The following CD226 variants were observed in gnomAD, a reference collection of about 807,000 sequenced individuals.
CD226 encodes CD226 molecule, also known as CD226 antigen.
A neutral mutation model predicts 34.9 loss-of-function variants in CD226; 24 were observed. That is an observed-to-expected ratio of 0.69 (90% CI 0.50 to 0.97). The LOEUF (loss-of-function observed/expected upper bound fraction) is 0.97, where lower values mean the gene tolerates loss of function less well. Ranked by LOEUF, CD226 falls within the 50% of genes least tolerant of loss-of-function variation. The probability of loss-of-function intolerance (pLI) is 0.00; values close to 1 mark genes in which losing one functional copy is unlikely to be tolerated. For missense variants in CD226, 397 were observed against 412.7 expected (o/e 0.96, Z 0.33); for synonymous variants, 148 against 147.4 (o/e 1.00, Z -0.03).
At chr18:69,916,580 C>G (rs143628757) in intron 2 of CD226, among the ~76,000 whole-genome samples, 1 of 152,214 alleles carries the variant, frequency 6.6e-6, no homozygotes, top group Non-Finnish European at 1.5e-5. Flanking sequence ...ATTTGTTTTC[C>G]TGATGTTTAG....
chr18:69,896,258 T>C (rs1414130106), intron 2 of CD226: 9 of 573,354 alleles, frequency 1.6e-5, no homozygotes, highest in Non-Finnish European at 1.3e-5. Flanking sequence ...CTCGGCTCAA[T>C]GCAACCTCCA....
intron 4 of CD226, among the ~76,000 whole-genome samples, chr18:69,872,057 GGTGTGT>G (rs201644137): frequency 0.081 from 11,648 of 143,478 alleles, 457 homozygotes; most frequent in Middle Eastern, 0.096. Context: ...ATTAACAAGG[GGTGTGT>G]GTGTGTGTGT....
At chr18:69,867,156 A>G (rs746754686) in intron 5 of CD226, among the ~76,000 whole-genome samples, 4 of 152,208 alleles carry the variant, frequency 2.6e-5, no homozygotes, top group Non-Finnish European at 5.9e-5. Context: ...TATTCATATA[A>G]AAAACTTAGT....
chr18:69,931,536 A>G (rs2055589372), intron 2 of CD226, among the ~76,000 whole-genome samples: 2 of 152,214 alleles, frequency 1.3e-5, no homozygotes, highest in South Asian at 2.1e-4. Flanking sequence ...ATTCTGGGAA[A>G]GATGGAGGTG....
intron 4 of CD226, among the ~76,000 whole-genome samples, chr18:69,868,421 T>C (rs1186020097): frequency 6.6e-6 from 1 of 152,240 alleles, no homozygotes; most frequent in Non-Finnish European, 1.5e-5. Context: ...GAAATGGATA[T>C]TGACTCCAAT....
intron 2 of CD226, among the ~76,000 whole-genome samples, chr18:69,904,460 C>A (rs1026686252): frequency 6.6e-6 from 1 of 152,242 alleles, no homozygotes; most frequent in Non-Finnish European, 1.5e-5. Context: ...CCTCCAGGGG[C>A]AGCTCCGTGG....
At chr18:69,922,464 C>T (rs955563658) in intron 2 of CD226, among the ~76,000 whole-genome samples, 3 of 152,024 alleles carry the variant, frequency 2.0e-5, no homozygotes, top group Non-Finnish European at 4.4e-5. Context: ...TATTTTCAAT[C>T]GAGCCACAGT....
chr18:69,960,497 T>C (rs998914998), upstream of CD226, among the ~76,000 whole-genome samples: 1 of 152,188 alleles, frequency 6.6e-6, no homozygotes, highest in Non-Finnish European at 1.5e-5. Flanking sequence ...TTGCCCAGGC[T>C]GGAGCACAGT....
At chr18:69,933,075 G>A (rs10048270) in intron 2 of CD226, among the ~76,000 whole-genome samples, 4,506 of 152,254 alleles carry the variant, frequency 0.03, 219 homozygotes, top group African/African-American at 0.1. Flanking sequence ...TGGGGGCAGT[G>A]TCCTCCCTCA....
chr18:69,927,363 T>TAC (rs147765877), intron 2 of CD226, among the ~76,000 whole-genome samples: 106,898 of 147,540 alleles, frequency 0.72, 43,382 homozygotes, highest in East Asian at 0.91. Context: ...ACTAAGACAC[T>TAC]ACACACACAC....
chr18:69,873,084 G>A (rs966878020), intron 4 of CD226, 60 bp downstream of exon 4: 2 of 915,644 alleles, frequency 2.2e-6, no homozygotes, highest in African/African-American at 3.3e-5. Flanking sequence ...AAATTACTGG[G>A]TTATTAATAG....
intron 3 of CD226, among the ~76,000 whole-genome samples, chr18:69,885,250 T>G (rs1463732340): frequency 6.6e-6 from 1 of 152,214 alleles, no homozygotes; most frequent in Non-Finnish European, 1.5e-5. Context: ...CAATATAAAC[T>G]ACATAAACAT....
At chr18:69,904,958 T>G (rs1286424292) in intron 2 of CD226, among the ~76,000 whole-genome samples, 2 of 152,226 alleles carry the variant, frequency 1.3e-5, no homozygotes, top group Non-Finnish European at 2.9e-5. Context: ...ACATTAAGCA[T>G]TTTGTCCCAT....
At position 69,947,352 on chromosome 18, in the gene CD226, C is replaced by A. The variant is rs1038072418; in HGVS notation, c.46+9G>T. The A allele has an allele frequency of 2.0e-6, 3 of 1,521,974 alleles. No homozygotes were observed. The highest frequency in any genetic ancestry group is 2.7e-6 in the Non-Finnish European group (3 of 1,115,816). The allele number at this position is 1,521,974 out of a possible 1,614,324, so 94.3% of individuals were successfully genotyped here. A position where few individuals can be genotyped will look rare whatever the true frequency, so the allele number is the denominator to read the frequency against. On this transcript the variant is annotated intron_variant, in intron 1 of 5. Transcript: ENST00000582621. ...AACTTTTAAATGAAAATATAAAGATCATCTTTACCTCTGTATACATGAAGA... is the reference window on the plus strand; with the variant it reads ...AACTTTTAAATGAAAATATAAAGATAATCTTTACCTCTGTATACATGAAGA...
intron 2 of CD226, among the ~76,000 whole-genome samples, chr18:69,944,210 G>A (rs1424902281): frequency 2.0e-5 from 3 of 152,124 alleles, no homozygotes; most frequent in Non-Finnish European, 2.9e-5. Flanking sequence ...CTAGCCCATT[G>A]CATCAATCTG....
In CD226 at chr18:69,895,687, T is replaced by C; in HGVS notation, c.727+14A>G. On this transcript the variant is annotated intron_variant, in intron 3 of 5. Transcript: ENST00000582621. Reference sequence around the variant, plus strand: ...TCCATGTTTGATACCAGAAGATGTCTGGTGCTCACTCACCCTCGGCTACAG... The same window carrying C: ...TCCATGTTTGATACCAGAAGATGTCCGGTGCTCACTCACCCTCGGCTACAG... 6.3e-7 allele frequency: 1 copy of C among 1,592,916 alleles called. No individual in the cohort carries two copies. Among genetic ancestry groups the C allele is most frequent in the Non-Finnish European group, 8.6e-7 (1 of 1,161,760 alleles).
chr18:69,946,387 C>T (rs2055792965), intron 2 of CD226, among the ~76,000 whole-genome samples: 1 of 151,878 alleles, frequency 6.6e-6, no homozygotes, highest in Non-Finnish European at 1.5e-5. Flanking sequence ...GGGAATGGTG[C>T]TATGTCACTG....
intron 3 of CD226, among the ~76,000 whole-genome samples, chr18:69,893,180 A>G (rs1985007257): frequency 6.6e-6 from 1 of 152,210 alleles, no homozygotes; most frequent in Non-Finnish European, 1.5e-5. Flanking sequence ...TAATGGATAC[A>G]AGGTCCAGTT....
chr18:69,895,577 C>A, intron 3 of CD226, 124 bp downstream of exon 3: 1 of 718,564 alleles, frequency 1.4e-6, no homozygotes, highest in Non-Finnish European at 2.4e-6. Flanking sequence ...TAAATTCAGC[C>A]ATTTAAAAAA....
Sources: allele counts gnomAD v4.1 joint callset (sites outside exome capture counted in the v4.1 genomes callset), GRCh38; gene constraint gnomAD v4.1.1; transcripts MANE v1.5; gene names NCBI Gene and HGNC (gene_info 2026-07-23, HGNC 2026-07-21).